Variants in SMOC2 observed in about 807,000 individuals in gnomAD.
SMOC2 encodes the protein SPARC-related modular calcium-binding protein 2.
Under a neutral mutation model 61.4 loss-of-function variants are expected in SMOC2, and 39 were observed. That is an observed-to-expected ratio of 0.64 (90% CI 0.49 to 0.83). The LOEUF (loss-of-function observed/expected upper bound fraction) is 0.83. Among genes scored for constraint, SMOC2 ranks in the 40% least tolerant of loss-of-function variants. The probability of loss-of-function intolerance (pLI) is 0.00; values close to 1 mark genes in which losing one functional copy is unlikely to be tolerated. For missense variants in SMOC2, 556 were observed against 592.9 expected, an observed-to-expected ratio of 0.94 and a Z score of 0.65; for synonymous variants, 247 against 239.9, an observed-to-expected ratio of 1.03 and a Z score of -0.27.
intron 7 of SMOC2, among the ~76,000 whole-genome samples, chr6:168,555,775 G>C (rs997856311): frequency 2.0e-5 from 3 of 152,152 alleles, no homozygotes; most frequent in Non-Finnish European, 4.4e-5. Flanking sequence ...CGCTTTAGAG[G>C]AAGGGTAGAG....
chr6:168,604,531 C>T (rs542660329), intron 8 of SMOC2, among the ~76,000 whole-genome samples: 13 of 152,210 alleles, frequency 8.5e-5, no homozygotes, highest in East Asian at 1.9e-4. Flanking sequence ...GTTCCCTCAG[C>T]GCAATTTTCT....
Position 168,547,049 on chromosome 6 carries a change from G to A in SMOC2, c.512-70G>A, listed in dbSNP as rs193073078. On this transcript the variant is annotated intron_variant, in intron 5 of 12. Transcript: ENST00000356284. ...GAGTGCAAGTCCTCAGCATCCACCC[G>A]TATGCACACTTACTTAACTTACTCT... 408 of 1,590,478 alleles carry A rather than the reference G, an allele frequency of 2.6e-4. 2 individuals are homozygous for A. In the East Asian group the frequency reaches 4.1e-3, roughly 16 times the overall value.
chr6:168,581,333 A>G (rs1784912238), intron 7 of SMOC2, among the ~76,000 whole-genome samples: 1 of 152,218 alleles, frequency 6.6e-6, no homozygotes, highest in African/African-American at 2.4e-5. Flanking sequence ...GAAAACCCCT[A>G]CGGGGACATC....
chr6:168,476,695 A>G (rs1338741108), intron 1 of SMOC2, among the ~76,000 whole-genome samples: 1 of 152,092 alleles, frequency 6.6e-6, no homozygotes, highest in Non-Finnish European at 1.5e-5. Context: ...CTTACTGTCG[A>G]CATTTAATTT....
At position 168,526,438 on chromosome 6, in the gene SMOC2, G is replaced by A. The variant is rs150664211; in HGVS notation, c.349G>A (p.Gly117Ser). The A allele has an allele frequency of 5.6e-6, 9 of 1,613,914 alleles. 1 individual carries two copies. The highest frequency in any genetic ancestry group is 5.5e-5 in the South Asian group (5 of 91,086). ...QVFIPECNDD[G>S]TYSQVQCHSY... ...GTTCATTCCTGAGTGCAATGACGAC[G>A]GCACCTACAGTCAGGTTACCGGCCT... Residue 117 changes from glycine (G) to serine (S), a missense_variant, in exon 3 of 13, where the codon GGC (glycine) becomes AGC (serine). Coordinates refer to ENST00000356284, the MANE Select transcript of SMOC2 (RefSeq NM_001166412.2).
intron 9 of SMOC2, among the ~76,000 whole-genome samples, chr6:168,620,017 T>G (rs1356042160): frequency 1.3e-5 from 2 of 152,210 alleles, no homozygotes; most frequent in African/African-American, 4.8e-5. Flanking sequence ...TGGCAGTCAC[T>G]GCCTTCAGGT....
chr6:168,565,135 G>A (rs1022296636), intron 7 of SMOC2, among the ~76,000 whole-genome samples: 6 of 152,240 alleles, frequency 3.9e-5, no homozygotes, highest in African/African-American at 1.2e-4. Context: ...AACTCTGCCT[G>A]TAAATAAATG....
At chr6:168,570,501 G>C (rs1324319113) in intron 7 of SMOC2, among the ~76,000 whole-genome samples, 1 of 152,228 alleles carries the variant, frequency 6.6e-6, no homozygotes, top group Non-Finnish European at 1.5e-5. Context: ...AGCTAGGAGG[G>C]AGCCAGGTTT....
chr6:168,556,205 G>A (rs1272959938), intron 7 of SMOC2, among the ~76,000 whole-genome samples: 2 of 152,188 alleles, frequency 1.3e-5, no homozygotes, highest in African/African-American at 4.8e-5. Flanking sequence ...CAGCTCCGAG[G>A]GCGTCCGTGG....
rs142060402 is a variant in SMOC2 at position 168,660,112 on chromosome 6, A to G, written c.1286-3962A>G. Among the ~76,000 whole-genome samples the G allele has an allele frequency of 2.1e-3, 312 of 151,994 alleles. 1 individual carries two copies. The highest frequency in any genetic ancestry group is 3.4e-3 in the Non-Finnish European group (234 of 67,962). On this transcript the variant is annotated intron_variant, in intron 11 of 12. Coordinates refer to ENST00000356284, the MANE Select transcript of SMOC2 (RefSeq NM_001166412.2). ...GGGGATGGGCTAGCTCTGAGAGGGC[A>G]GCCTCTTCAGCCTCTTCAGATGTCA...
chr6:168,618,481 G>C (rs11969678), intron 9 of SMOC2, among the ~76,000 whole-genome samples: 26,632 of 129,016 alleles, frequency 0.21, 4,331 homozygotes, highest in Non-Finnish European at 0.23. Flanking sequence ...GGCGGGTAGT[G>C]GCATTAGGAG....
intron 7 of SMOC2, among the ~76,000 whole-genome samples, chr6:168,557,255 A>G (rs1186552969): frequency 6.6e-6 from 1 of 152,212 alleles, no homozygotes; most frequent in East Asian, 1.9e-4. Context: ...ATTTGAAGAG[A>G]TTAATGCTAA....
chr6:168,502,764 T>G (rs897668323), intron 1 of SMOC2, among the ~76,000 whole-genome samples: 2 of 151,782 alleles, frequency 1.3e-5, no homozygotes, highest in Non-Finnish European at 2.9e-5. Flanking sequence ...TAATTTAATT[T>G]AATTTAATTT....
At chr6:168,624,657 CAG>C (rs36040317) in intron 9 of SMOC2, among the ~76,000 whole-genome samples, 22,580 of 151,132 alleles carry the variant, frequency 0.15, 2,106 homozygotes, top group Middle Eastern at 0.29. Flanking sequence ...CACACAGACA[CAG>C]ACGCACACAC....
At chr6:168,495,694 C>T (rs1782571586) in intron 1 of SMOC2, among the ~76,000 whole-genome samples, 1 of 152,132 alleles carries the variant, frequency 6.6e-6, no homozygotes, top group African/African-American at 2.4e-5. Flanking sequence ...CCCCCTTTGG[C>T]CACAGGACAC....
At chr6:168,520,470 C>A (rs2609295) in intron 2 of SMOC2, among the ~76,000 whole-genome samples, 1 of 152,080 alleles carries the variant, frequency 6.6e-6, no homozygotes, top group Admixed American at 6.5e-5. Flanking sequence ...CCTGCACTGG[C>A]TCATGGGGAG....
At chr6:168,514,135 A>C (rs1371734477) in intron 2 of SMOC2, among the ~76,000 whole-genome samples, 4 of 152,124 alleles carry the variant, frequency 2.6e-5, no homozygotes, top group African/African-American at 9.7e-5. Flanking sequence ...CAGCTTCCCT[A>C]GCCTGCCCCA....
intron 4 of SMOC2, among the ~76,000 whole-genome samples, chr6:168,541,064 A>G (rs1313954929): frequency 6.6e-6 from 1 of 152,232 alleles, no homozygotes; most frequent in East Asian, 1.9e-4. Context: ...AAGTGCTCAG[A>G]GCTACAAGAC....
chr6:168,612,964 G>A (rs1162435300), intron 9 of SMOC2, among the ~76,000 whole-genome samples: 1 of 152,188 alleles, frequency 6.6e-6, no homozygotes, highest in East Asian at 1.9e-4. Flanking sequence ...CTAGAGTGCA[G>A]GGTTTCCTCT....
Sources: gnomAD v4.1 joint callset for allele counts (sites outside exome capture counted in the v4.1 genomes callset) on GRCh38, gnomAD v4.1.1 for gene constraint, MANE v1.5 for transcripts, NCBI Gene and HGNC (gene_info 2026-07-23, HGNC 2026-07-21) for gene names.